PCTP: variants seen among roughly 807,000 people sequenced by gnomAD.
The protein encoded by PCTP is phosphatidylcholine transfer protein.
Under a neutral mutation model 31.0 loss-of-function variants are expected in PCTP, and 27 were observed. The ratio of observed to expected loss-of-function variants is 0.87; its 90% CI spans 0.64 to 1.20. The LOEUF is 1.20. Among genes scored for constraint, PCTP ranks in the 50% most tolerant of loss-of-function variants. The probability of loss-of-function intolerance (pLI) is 0.00; values close to 1 mark genes in which losing one functional copy is unlikely to be tolerated. For synonymous variants in PCTP, 108 were observed against 101.2 expected (o/e 1.07, Z -0.40); for missense variants, 287 against 268.2 (o/e 1.07, Z -0.49).
At chr17:55,848,934 A>G in the PCTP span, among the ~76,000 whole-genome samples, 1 of 152,228 alleles carries the variant, frequency 6.6e-6, no homozygotes, top group South Asian at 2.1e-4. Flanking sequence ...GCTTACTGGA[A>G]TAAATAAAAA....
chr17:55,823,768 C>A (rs1460021619), downstream of PCTP, among the ~76,000 whole-genome samples: 1 of 152,180 alleles, frequency 6.6e-6, no homozygotes, highest in Admixed American at 6.5e-5. Flanking sequence ...AGAGACACAA[C>A]TTTTTCAACA....
At chr17:55,770,878 C>A in intron 2 of PCTP, 2 of 412,326 alleles carry the variant, frequency 4.9e-6, no homozygotes, top group Non-Finnish European at 8.7e-6. Flanking sequence ...CACCACCATA[C>A]CTGGCTGATT....
intron 1 of PCTP, among the ~76,000 whole-genome samples, chr17:55,765,671 A>G (rs899491895): frequency 8.5e-5 from 13 of 152,194 alleles, no homozygotes; most frequent in African/African-American, 2.7e-4. Context: ...AATTAATTTG[A>G]TTGCGTCATT....
chr17:55,794,844 A>G lies in PCTP; in HGVS notation c.317+7190A>G, dbSNP rs535360283. Among the ~76,000 whole-genome samples, 5 of 152,104 alleles carry G rather than the reference A, an allele frequency of 3.3e-5. No homozygotes were observed. The South Asian group carries it at 1.0e-3, about 32-fold the overall frequency. On this transcript the variant is annotated intron_variant, in intron 3 of 3. Coordinates refer to the PCTP transcript ENST00000572536. ...TATTCTCCTTCTTGTCCCTTCAGTG[A>G]TGAAGTCCCCAGAGGTTAAACACTC...
chr17:55,777,720 A>G (rs965164346), downstream of PCTP, among the ~76,000 whole-genome samples: 5 of 152,208 alleles, frequency 3.3e-5, no homozygotes, highest in South Asian at 2.1e-4. Context: ...CATAACTTAG[A>G]GCACCTCTAA....
At chr17:55,824,917 G>A (rs775693595), downstream of PCTP, among the ~76,000 whole-genome samples, 1 of 152,066 alleles carries the variant, frequency 6.6e-6, no homozygotes, top group Non-Finnish European at 1.5e-5. Flanking sequence ...ATGGTGCCTT[G>A]AGAAAAAACA....
chr17:55,808,246 A>G (rs924940168), intron 3 of PCTP, among the ~76,000 whole-genome samples: 1 of 152,230 alleles, frequency 6.6e-6, no homozygotes, highest in East Asian at 1.9e-4. Context: ...TGCCAAATGC[A>G]ATGCATAAAA....
intron 5 of PCTP, among the ~76,000 whole-genome samples, chr17:55,840,670 C>A (rs556205198): frequency 1.3e-5 from 2 of 152,154 alleles, no homozygotes; most frequent in Non-Finnish European, 2.9e-5. Context: ...TCTATTTTAT[C>A]ATTAGTTATT....
At chr17:55,754,521 C>T (rs932898085) in intron 1 of PCTP, among the ~76,000 whole-genome samples, 49 of 152,338 alleles carry the variant, frequency 3.2e-4, no homozygotes, top group African/African-American at 1.2e-3. Context: ...TGAACCCCCT[C>T]CTCTTGGGTC....
At chr17:55,788,480 A>G (rs1159847597) in intron 3 of PCTP, among the ~76,000 whole-genome samples, 1 of 152,194 alleles carries the variant, frequency 6.6e-6, no homozygotes, top group East Asian at 1.9e-4. Context: ...TCAAGGGCTA[A>G]CTCTGTGCCA....
At chr17:55,789,307 T>C (rs138307741) in intron 3 of PCTP, among the ~76,000 whole-genome samples, 98 of 152,324 alleles carry the variant, frequency 6.4e-4, no homozygotes, top group African/African-American at 2.1e-3. Context: ...AATGTGTTAT[T>C]GGATAGTTTT....
intron 1 of PCTP, among the ~76,000 whole-genome samples, chr17:55,766,244 C>T (rs1695500162): frequency 6.6e-6 from 1 of 151,254 alleles, no homozygotes; most frequent in Non-Finnish European, 1.5e-5. Context: ...TGAACGTCGT[C>T]ATCAGCTGCT....
intron 3 of PCTP, chr17:55,822,661 G>C (rs1913152298): frequency 2.0e-6 from 1 of 492,056 alleles, no homozygotes; most frequent in African/African-American, 2.0e-5. Context: ...ATCCTTCCAT[G>C]ACTATCCAAA....
At chr17:55,792,785 C>T (rs973146345) in intron 3 of PCTP, among the ~76,000 whole-genome samples, 4 of 152,010 alleles carry the variant, frequency 2.6e-5, no homozygotes, top group African/African-American at 9.7e-5. Flanking sequence ...TGCAGTATAC[C>T]TTTTTCATTT....
Position 55,771,128 on chromosome 17 carries a change from C to T in PCTP, c.282C>T (p.Asn94=), listed in dbSNP as rs745946648. The T allele has an allele frequency of 4.1e-5, 66 of 1,613,272 alleles. No individual in the cohort carries two copies. The highest frequency in any genetic ancestry group is 1.4e-4 in the South Asian group (13 of 91,064). ...TAGAACTCTATGAACAAGAATGCAA[C>T]GGAGAGACTGTGGTCTACTGGGAAG... The part of the protein sequence containing the change: ...YVKELYEQEC[N]GETVVYWEVK... Residue 94 remains asparagine (N), a synonymous_variant, in exon 3 of 6, where the codon AAC becomes AAT. Transcript: ENST00000268896.
chr17:55,822,663 C>A, intron 3 of PCTP: 1 of 507,414 alleles, frequency 2.0e-6, no homozygotes, highest in Non-Finnish European at 3.1e-6. Flanking sequence ...CCTTCCATGA[C>A]TATCCAAACC....
chr17:55,767,293 C>A, intron 1 of PCTP, 42 bp from the exon 2 acceptor site: 1 of 1,271,820 alleles, frequency 7.9e-7, no homozygotes, highest in Non-Finnish European at 1.1e-6. Flanking sequence ...TTTCTCTCAA[C>A]TTGGGAACCA....
downstream of PCTP, among the ~76,000 whole-genome samples, chr17:55,843,937 G>T (rs1906065286): frequency 6.6e-6 from 1 of 152,086 alleles, no homozygotes; most frequent in Non-Finnish European, 1.5e-5. Context: ...GACAGAGATG[G>T]AGCTCAGAAA....
chr17:55,752,888 A>G (rs1416667216), intron 1 of PCTP, among the ~76,000 whole-genome samples: 1 of 152,180 alleles, frequency 6.6e-6, no homozygotes, highest in East Asian at 1.9e-4. Context: ...AAATTGATAC[A>G]TTTTCAGAAA....
Sources: allele counts gnomAD v4.1 joint callset (sites outside exome capture counted in the v4.1 genomes callset), GRCh38; gene constraint gnomAD v4.1.1; transcripts MANE v1.5; gene names NCBI Gene and HGNC (gene_info 2026-07-23, HGNC 2026-07-21).